PCDH15: variants seen among roughly 807,000 people sequenced by gnomAD.
PCDH15 encodes the protein protocadherin related 15.
PCDH15 carries 129 observed loss-of-function variants against 178.5 expected under a neutral mutation model. That is an observed-to-expected ratio of 0.72 (90% CI 0.63 to 0.84). The LOEUF is 0.84. Ranked by LOEUF, PCDH15 falls within the 40% of genes least tolerant of loss-of-function variation. PCDH15 has a pLI of 0.00. For synonymous variants in PCDH15, 800 were observed against 732.0 expected, an observed-to-expected ratio of 1.09 and a Z score of -1.50; for missense variants, 2,230 against 2,099.9, an observed-to-expected ratio of 1.06 and a Z score of -1.21.
At chr10:54,734,445 C>T (rs1426169118) in intron 1 of PCDH15, among the ~76,000 whole-genome samples, 4 of 151,824 alleles carry the variant, frequency 2.6e-5, no homozygotes, top group Non-Finnish European at 5.9e-5. Flanking sequence ...CACACTCATG[C>T]ATTGCTGGTG....
intron 28 of PCDH15, among the ~76,000 whole-genome samples, chr10:53,843,703 C>T (rs1025758735): frequency 6.6e-6 from 1 of 151,928 alleles, no homozygotes; most frequent in African/African-American, 2.4e-5. Flanking sequence ...TAAAAAAAGT[C>T]TTCATATAAA....
At chr10:55,050,168 C>A (rs918653752) in intron 2 of PCDH15, among the ~76,000 whole-genome samples, 17 of 151,874 alleles carry the variant, frequency 1.1e-4, no homozygotes, top group African/African-American at 4.1e-4. Flanking sequence ...TATTGTTTAA[C>A]CCATATAGAA....
chr10:54,681,040 C>T (rs1179458281), intron 1 of PCDH15, among the ~76,000 whole-genome samples: 1 of 152,068 alleles, frequency 6.6e-6, no homozygotes, highest in African/African-American at 2.4e-5. Flanking sequence ...TTCAATGGCT[C>T]TGAGTGGGGA....
At chr10:53,848,765 CA>C (rs1166548822) in intron 28 of PCDH15, among the ~76,000 whole-genome samples, 2 of 151,988 alleles carry the variant, frequency 1.3e-5, no homozygotes, top group African/African-American at 4.8e-5. Flanking sequence ...CGGGTACCTT[CA>C]TTACGATGAT....
intron 2 of PCDH15, among the ~76,000 whole-genome samples, chr10:55,377,272 C>A (rs548166014): frequency 1.3e-5 from 2 of 151,768 alleles, no homozygotes; most frequent in African/African-American, 4.8e-5. Flanking sequence ...ATTCTACAAG[C>A]AGTTTGACTT....
intron 35 of PCDH15, among the ~76,000 whole-genome samples, chr10:53,814,662 TA>T (rs200319953): frequency 2.7e-5 from 4 of 150,828 alleles, no homozygotes; most frequent in Admixed American, 6.6e-5. Context: ...CATCAGTCGT[TA>T]AAAAAAAATT....
At chr10:53,972,519 A>C (rs2089809424) in intron 21 of PCDH15, among the ~76,000 whole-genome samples, 1 of 152,218 alleles carries the variant, frequency 6.6e-6, no homozygotes, top group South Asian at 2.1e-4. Context: ...GAATGGGAGA[A>C]AATTTTTACA....
chr10:55,152,867 T>G (rs1213209028), intron 2 of PCDH15, among the ~76,000 whole-genome samples: 1 of 152,148 alleles, frequency 6.6e-6, no homozygotes, highest in East Asian at 1.9e-4. Context: ...TGTGATTATG[T>G]GTATGGACAC....
chr10:54,605,357 T>G (rs1336254328), intron 2 of PCDH15, among the ~76,000 whole-genome samples: 1 of 152,036 alleles, frequency 6.6e-6, no homozygotes, highest in Non-Finnish European at 1.5e-5. Context: ...AGCTTTCGAT[T>G]TTTTTAATTT....
rs181851548 is a variant in PCDH15, at chr10:53,828,906, A to T, written c.4203-333T>A. 2.1e-3 allele frequency among the ~76,000 whole-genome samples: 317 copies of T among 152,292 alleles called. 1 individual carries two copies. Among genetic ancestry groups the T allele is most frequent in the African/African-American group, 7.1e-3 (295 of 41,562 alleles). ...ATATTAAAGATGACCTGACCTTTAT[A>T]ATTGGCTTCTTGGTTTACCCTGCTT... On this transcript the variant is annotated intron_variant, in intron 30 of 37. Transcript: ENST00000644397.
chr10:54,607,745 A>G, intron 2 of PCDH15: 1 of 339,418 alleles, frequency 2.9e-6, no homozygotes. Flanking sequence ...AGATTGCTCA[A>G]TAAATCAATG....
intron 6 of PCDH15, among the ~76,000 whole-genome samples, chr10:54,341,693 C>G (rs1268876388): frequency 6.6e-6 from 1 of 152,152 alleles, no homozygotes; most frequent in Non-Finnish European, 1.5e-5. Context: ...AAGTTTGGAC[C>G]TTCCTAGAGA....
chr10:54,778,084 A>G (rs968936603), intron 1 of PCDH15, among the ~76,000 whole-genome samples: 1 of 152,204 alleles, frequency 6.6e-6, no homozygotes, highest in Non-Finnish European at 1.5e-5. Flanking sequence ...AGAAACTTTG[A>G]AATTGCCATA....
rs74136328 is a variant in PCDH15 at position 55,036,781 on chromosome 10, T to A, written c.-80+129795A>T. Among the ~76,000 whole-genome samples, 788 of 152,260 alleles carry A rather than the reference T, an allele frequency of 5.2e-3. 4 individuals are homozygous for A. Among genetic ancestry groups the A allele is most frequent in the African/African-American group, 0.018 (758 of 41,564 alleles). ...GTATATTTATCTAAACTATAAACAA[T>A]AAACTTAAAAAACAAGCATATTGTT... On this transcript the variant is annotated intron_variant, in intron 2 of 5. Coordinates refer to the PCDH15 transcript ENST00000458638.
chr10:55,419,596 A>G (rs187938682), intron 2 of PCDH15, among the ~76,000 whole-genome samples: 33 of 151,970 alleles, frequency 2.2e-4, no homozygotes, highest in African/African-American at 7.9e-4. Context: ...TATTCTCACA[A>G]TAGTGGTTTA....
intron 2 of PCDH15, among the ~76,000 whole-genome samples, chr10:55,588,737 A>T (rs1842775854): frequency 6.6e-6 from 1 of 152,180 alleles, no homozygotes. Flanking sequence ...AATGAAGTCA[A>T]AAAGGTGAAT....
At chr10:55,153,322 T>A (rs537045693) in intron 2 of PCDH15, among the ~76,000 whole-genome samples, 21 of 152,234 alleles carry the variant, frequency 1.4e-4, no homozygotes, top group African/African-American at 4.3e-4. Context: ...AAATCCAGCC[T>A]GCTCTTCCCT....
chr10:54,105,315 T>TAC (rs1491012790), intron 15 of PCDH15, among the ~76,000 whole-genome samples: 4,239 of 75,834 alleles, frequency 0.056, 73 homozygotes, highest in Non-Finnish European at 0.073. Flanking sequence ...TATATATATA[T>TAC]ATACACACAC....
rs368086347 is a variant in PCDH15, at chr10:54,517,734, T to C, written c.157+10078A>G. The stretch of plus-strand genomic sequence containing the variant: ...ACCTAATAGACATCTACAGAACTCT[T>C]CACCCCAAATCAACAGAATATACAT... On this transcript the variant is annotated intron_variant, in intron 3 of 37. Coordinates refer to ENST00000644397, the MANE Select transcript of PCDH15 (RefSeq NM_001384140.1). Among the ~76,000 whole-genome samples the C allele has an allele frequency of 6.9e-3, 1,053 of 152,084 alleles. 16 individuals are homozygous for C. The highest frequency in any genetic ancestry group is 0.023 in the African/African-American group (966 of 41,492).
Sources: allele counts gnomAD v4.1 joint callset (sites outside exome capture counted in the v4.1 genomes callset), GRCh38; gene constraint gnomAD v4.1.1; transcripts MANE v1.5; gene names NCBI Gene and HGNC (gene_info 2026-07-23, HGNC 2026-07-21).